Variants in GCNT3 observed in about 807,000 individuals in gnomAD.
GCNT3 encodes the protein glucosaminyl (N-acetyl) transferase 3, mucin type.
For synonymous variants in GCNT3, 269 were observed against 195.2 expected, an observed-to-expected ratio of 1.38 and a Z score of -3.15; for missense variants, 708 against 530.3, an observed-to-expected ratio of 1.34 and a Z score of -3.29.
At chr15:59,614,890 T>C (rs751589063) in intron 1 of GCNT3, among the ~76,000 whole-genome samples, 15 of 152,212 alleles carry the variant, frequency 9.9e-5, no homozygotes, top group African/African-American at 3.4e-4. Context: ...TTGTCTTTGC[T>C]GTGGCTTCAT....
At position 59,618,453 on chromosome 15, in the gene GCNT3, G is replaced by A. The variant is rs1043381966; in HGVS notation, c.215G>A (p.Gly72Glu). The change falls in exon 3 of 3, where the codon GGG becomes GAG. Residue 72 changes from glycine (G) to glutamate (E), a missense_variant. By Grantham distance (98) the Gly-to-Glu change is moderately conservative. Transcript: ENST00000396065. The stretch of plus-strand genomic sequence containing the variant: ...GCAAAGAGGTCTATCAACTGTTCAG[G>A]GGTCACCCGAGGGGACCAAGAGGCA... ...LPAKRSINCSGVTRGDQEAVL... is the reference protein window; with the variant it reads ...LPAKRSINCSEVTRGDQEAVL... The A allele has an allele frequency of 1.2e-6, 2 of 1,613,690 alleles. No homozygotes were observed. The highest frequency in any genetic ancestry group is 1.7e-6 in the Non-Finnish European group (2 of 1,179,662).
At chr15:59,612,981 C>G (rs1003533112) in intron 1 of GCNT3, among the ~76,000 whole-genome samples, 1 of 151,860 alleles carries the variant, frequency 6.6e-6, no homozygotes, top group Non-Finnish European at 1.5e-5. Context: ...AGGAATGCTA[C>G]TTGTAACCAC....
rs763611920 is a variant in GCNT3, at chr15:59,619,504, G to A, written c.1266G>A (p.Gln422=). The part of the protein sequence containing the change: ...FDPKVDDNAL[Q]CLEEYLRYKA... ...CAAAGGTAGATGATAATGCTCTTCA[G>A]TGCTTAGAAGAATACCTACGTTATA... The change falls in exon 3 of 3, where the codon CAG becomes CAA. Residue 422 remains glutamine (Q), a synonymous_variant. Transcript: ENST00000396065. 3 of 1,612,552 alleles carry A rather than the reference G, an allele frequency of 1.9e-6. No homozygotes were observed. The East Asian group carries it at 6.7e-5, about 36-fold the overall frequency.
At chr15:59,616,194 A>G (rs933576965) in intron 1 of GCNT3, among the ~76,000 whole-genome samples, 2 of 152,364 alleles carry the variant, frequency 1.3e-5, no homozygotes, top group Middle Eastern at 3.4e-3. Flanking sequence ...GTGCAAAGAC[A>G]GGCAAATGGA....
rs754607070 is a variant in GCNT3, at chr15:59,618,883, G to C, written c.645G>C (p.Gln215His). 79 of 1,614,060 alleles carry C rather than the reference G, an allele frequency of 4.9e-5. No homozygotes were observed. The highest frequency in any genetic ancestry group is 6.4e-5 in the Non-Finnish European group (76 of 1,180,038). The change falls in exon 3 of 3, where the codon CAG (glutamine) becomes CAC (histidine). Residue 215 changes from glutamine (Q) to histidine (H), a missense_variant. Gln to His is a conservative substitution (Grantham distance 24). Transcript: ENST00000396065. The stretch of plus-strand genomic sequence containing the variant: ...TCAACTGCATGGAAGACTTGCTCCA[G>C]AGCTCAGTGCCGTGGAAATACTTCC... ...ADLNCMEDLLQSSVPWKYFLN... is the reference protein window; with the variant it reads ...ADLNCMEDLLHSSVPWKYFLN...
In GCNT3 at chr15:59,611,846, C is replaced by T. The variant is rs1343746265; in HGVS notation, c.-386C>T. 2.0e-5 allele frequency: 3 copies of T among 152,204 alleles called. No individual in the cohort carries two copies. Among genetic ancestry groups the T allele is most frequent in the Non-Finnish European group, 4.4e-5 (3 of 68,108 alleles). The allele number at this position is 152,204 out of a possible 1,614,324, so 9.4% of individuals were successfully genotyped here. A position where few individuals can be genotyped will look rare whatever the true frequency, so the allele number is the denominator to read the frequency against. On this transcript the variant is annotated 5_prime_UTR_variant, in exon 1 of 3. Transcript: ENST00000396065. ...CTTGCTACTTGTGACCTGCCCTTTA[C>T]TCAGCAGTTTTTGTTCTGGGAAGCC... is the stretch of plus-strand genomic sequence containing the variant.
Position 59,620,564 on chromosome 15 carries a change from T to A in GCNT3, c.*1009T>A, listed in dbSNP as rs1363943222. The A allele has an allele frequency of 6.0e-6, 1 of 167,058 alleles. No homozygotes were observed. The highest frequency in any genetic ancestry group is 1.5e-5 in the Non-Finnish European group (1 of 68,116). The allele number at this position is 167,058 out of a possible 1,614,324, so 10.3% of individuals were successfully genotyped here. A position where few individuals can be genotyped will look rare whatever the true frequency, so the allele number is the denominator to read the frequency against. ...GTTTATATTGCCAGGTTTGTGATTTTTCTGTAAAGGAAAAGGCAGGGTGAT... is the reference window on the plus strand; with the variant it reads ...GTTTATATTGCCAGGTTTGTGATTTATCTGTAAAGGAAAAGGCAGGGTGAT... On this transcript the variant is annotated 3_prime_UTR_variant, in exon 3 of 3. Coordinates refer to ENST00000396065, the MANE Select transcript of GCNT3 (RefSeq NM_004751.3).
Position 59,621,363 on chromosome 15 carries a change from TC to T in GCNT3, c.*1810del, listed in dbSNP as rs1458343682. ...CCAAGTGTTACCTAGTGAAACAGTT[TC>T]CTTTCCGAAGCTCCAGAGATGGTTG... On this transcript the variant is annotated 3_prime_UTR_variant, in exon 3 of 3. Transcript: ENST00000396065. The T allele has an allele frequency of 6.6e-6, 1 of 152,030 alleles. No individual in the cohort carries two copies. The highest frequency in any genetic ancestry group is 1.5e-5 in the Non-Finnish European group (1 of 68,002). The allele number at this position is 152,030 out of a possible 1,614,324, so 9.4% of individuals were successfully genotyped here. A position where few individuals can be genotyped will look rare whatever the true frequency, so the allele number is the denominator to read the frequency against.
Position 59,618,311 on chromosome 15 carries a change from G to A in GCNT3, c.73G>A (p.Val25Met), listed in dbSNP as rs769855016. The A allele has an allele frequency of 3.1e-6, 5 of 1,613,448 alleles. No homozygotes were observed. Among genetic ancestry groups the A allele is most frequent in the Non-Finnish European group, 4.2e-6 (5 of 1,179,854 alleles). ...GGGCTGCTATATGCTGCTGGCCACTGTGGCTCTGAAACTTTCTTTCAGGTT... is the reference window on the plus strand; with the variant it reads ...GGGCTGCTATATGCTGCTGGCCACTATGGCTCTGAAACTTTCTTTCAGGTT... ...ALGCYMLLAT[V>M]ALKLSFRLKC... Residue 25 changes from valine to methionine, a missense_variant, in exon 3 of 3, where the codon GTG becomes ATG. Val to Met is a conservative substitution (Grantham distance 21, BLOSUM62 1). Coordinates refer to ENST00000396065, the MANE Select transcript of GCNT3 (RefSeq NM_004751.3).
At chr15:59,618,043 G>C in intron 2 of GCNT3, 136 bp from the exon 3 acceptor site, 1 of 468,072 alleles carries the variant, frequency 2.1e-6, no homozygotes, top group Non-Finnish European at 3.8e-6. Flanking sequence ...CAAACCAGAT[G>C]TAAGGGGCTT....
chr15:59,618,745 A>G lies in GCNT3; in HGVS notation c.507A>G (p.Pro169=). Residue 169 remains proline (P), a synonymous_variant, in exon 3 of 3, where the codon CCA becomes CCG. Transcript: ENST00000396065. ...IYCVHVDEKS[P]ETFKEAVKAI... is the part of the protein sequence containing the mutation. The stretch of plus-strand genomic sequence containing the variant: ...GTGTCCATGTGGATGAGAAGTCCCC[A>G]GAAACTTTCAAAGAGGCGGTCAAAG... The G allele has an allele frequency of 6.2e-7, 1 of 1,614,202 alleles. No individual in the cohort carries two copies. Among genetic ancestry groups the G allele is most frequent in the Admixed American group, 1.7e-5 (1 of 60,016 alleles).
intron 1 of GCNT3, chr15:59,614,943 C>T (rs1477408801): frequency 6.6e-6 from 1 of 152,134 alleles, no homozygotes; most frequent in Non-Finnish European, 1.5e-5. Context: ...AAATAAAATA[C>T]CTAAATTCTC....
At position 59,622,539 on chromosome 15, in the gene GCNT3, G is replaced by C. The variant is rs995801373; in HGVS notation, c.*2984G>C. On this transcript the variant is annotated 3_prime_UTR_variant, in exon 3 of 3. Transcript: ENST00000396065. ...CCTCCCCCTGCTGGCTGATGTGATG[G>C]TCCTTGGTCCTCCTCTGAAGGAGGT... is the stretch of plus-strand genomic sequence containing the variant. 2.0e-5 allele frequency: 3 copies of C among 152,104 alleles called. No individual in the cohort carries two copies. The highest frequency in any genetic ancestry group is 4.4e-5 in the Non-Finnish European group (3 of 68,040). The allele number at this position is 152,104 out of a possible 1,614,324, so 9.4% of individuals were successfully genotyped here.
In GCNT3 at chr15:59,618,624, T is replaced by G; in HGVS notation, c.386T>G (p.Val129Gly). The G allele has an allele frequency of 6.2e-7, 1 of 1,613,972 alleles. No individual in the cohort carries two copies. The change falls in exon 3 of 3, where the codon GTG (valine) becomes GGG (glycine). Residue 129 changes from valine to glycine, a missense_variant. Transcript: ENST00000396065. ...CAGTTCCCACTGAGCAAAGAAGAGG[T>G]GGAGTTCCCTATTGCATACTCTATG... The part of the protein sequence containing the change: ...FIQFPLSKEE[V>G]EFPIAYSMVI...
At chr15:59,613,579 A>AATAAATAAATAT (rs1287821148) in intron 1 of GCNT3, among the ~76,000 whole-genome samples, 2 of 134,802 alleles carry the variant, frequency 1.5e-5, no homozygotes, top group African/African-American at 5.6e-5. Flanking sequence ...TAAATAAATA[A>AATAAATAAATAT]AAATAAAAAT....
In GCNT3 at chr15:59,619,831, A is replaced by AG. The variant is rs1399873951; in HGVS notation, c.*278dup. The AG allele has an allele frequency of 3.2e-6, 1 of 316,452 alleles. No homozygotes were observed. Among genetic ancestry groups the AG allele is most frequent in the African/African-American group, 2.1e-5 (1 of 47,208 alleles). 19.6% of individuals were successfully genotyped at this position (316,452 alleles called of 1,614,324 possible). ...AGAACTGCTGTGATAGGGAGAGTGA[A>AG]GGAGGGATATGTGGTAGAGCACTTG... On this transcript the variant is annotated 3_prime_UTR_variant, in exon 3 of 3. Coordinates refer to ENST00000396065, the MANE Select transcript of GCNT3 (RefSeq NM_004751.3).
chr15:59,612,711 G>A (rs1316692255), intron 1 of GCNT3, among the ~76,000 whole-genome samples: 3 of 152,084 alleles, frequency 2.0e-5, no homozygotes, highest in African/African-American at 4.8e-5. Context: ...GAAGCTGCTG[G>A]CCATCTTTCT....
In GCNT3 at chr15:59,618,585, A is replaced by G. The variant is rs1474510220; in HGVS notation, c.347A>G (p.Glu116Gly). The part of the protein sequence containing the change: ...LTRDCEHFKA[E>G]RKFIQFPLSK... The stretch of plus-strand genomic sequence containing the variant: ...AGAGACTGTGAGCACTTCAAGGCTG[A>G]AAGGAAGTTCATACAGTTCCCACTG... The change falls in exon 3 of 3, where the codon GAA (glutamate) becomes GGA (glycine). Residue 116 changes from glutamate to glycine, a missense_variant. Glu to Gly is a moderately conservative substitution (Grantham distance 98, BLOSUM62 -2). Coordinates refer to ENST00000396065, the MANE Select transcript of GCNT3 (RefSeq NM_004751.3). The G allele has an allele frequency of 6.2e-7, 1 of 1,613,992 alleles. No individual in the cohort carries two copies. Among genetic ancestry groups the G allele is most frequent in the Non-Finnish European group, 8.5e-7 (1 of 1,179,988 alleles).
In GCNT3 at chr15:59,618,867, T is replaced by A; in HGVS notation, c.629T>A (p.Met210Lys). 2 of 1,614,204 alleles carry A rather than the reference T, an allele frequency of 1.2e-6. No homozygotes were observed. The highest frequency in any genetic ancestry group is 1.7e-6 in the Non-Finnish European group (2 of 1,180,038). ...AGGGTGCAAGCTGACCTCAACTGCA[T>A]GGAAGACTTGCTCCAGAGCTCAGTG... ...WSRVQADLNC[M>K]EDLLQSSVPW... The change falls in exon 3 of 3, where the codon ATG becomes AAG. Residue 210 changes from methionine to lysine, a missense_variant. Transcript: ENST00000396065.
Sources: allele counts gnomAD v4.1 joint callset (sites outside exome capture counted in the v4.1 genomes callset), GRCh38; gene constraint gnomAD v4.1.1; transcripts MANE v1.5; gene names NCBI Gene and HGNC (gene_info 2026-07-23, HGNC 2026-07-21).